The following APH1B variants were observed in gnomAD, a reference collection of about 807,000 sequenced individuals.
APH1B encodes the protein gamma-secretase subunit APH-1B.
Under a neutral mutation model 28.2 loss-of-function variants are expected in APH1B, and 27 were observed. The ratio of observed to expected loss-of-function variants is 0.96; its 90% CI spans 0.70 to 1.32. The LOEUF is 1.32. Among genes scored for constraint, APH1B ranks in the 40% most tolerant of loss-of-function variants. The pLI is 0.00. For synonymous variants in APH1B, 141 were observed against 124.6 expected, an observed-to-expected ratio of 1.13 and a Z score of -0.88; for missense variants, 305 against 313.6, an observed-to-expected ratio of 0.97 and a Z score of 0.21.
chr15:63,282,936 T>G (rs1169938351), intron 2 of APH1B, among the ~76,000 whole-genome samples: 1 of 152,240 alleles, frequency 6.6e-6, no homozygotes, highest in East Asian at 1.9e-4. Flanking sequence ...TTAGCAGTAG[T>G]TTTTCAAAAT....
Position 63,307,724 on chromosome 15 carries a change from G to A in APH1B, c.*1943G>A, listed in dbSNP as rs1305010173. ...ATTCTGATAAAATATTTGCTGCTCT[G>A]TAGAGTGTGGAAAGTCTGAGAATAT... is the stretch of plus-strand genomic sequence containing the variant. On this transcript the variant is annotated 3_prime_UTR_variant, in exon 6 of 6. Transcript: ENST00000261879. The A allele has an allele frequency of 6.6e-6, 1 of 152,234 alleles. No individual in the cohort carries two copies. Among genetic ancestry groups the A allele is most frequent in the Non-Finnish European group, 1.5e-5 (1 of 68,046 alleles). 9.4% of individuals were successfully genotyped at this position (152,234 alleles called of 1,614,324 possible).
At chr15:63,301,517 G>T (rs2038626905) in intron 4 of APH1B, among the ~76,000 whole-genome samples, 2 of 152,104 alleles carry the variant, frequency 1.3e-5, no homozygotes, top group African/African-American at 4.8e-5. Context: ...TGGTGGTGCT[G>T]ATCAAATTCA....
At chr15:63,303,566 G>A (rs1320515509) in intron 5 of APH1B, among the ~76,000 whole-genome samples, 1 of 152,196 alleles carries the variant, frequency 6.6e-6, no homozygotes, top group African/African-American at 2.4e-5. Flanking sequence ...CACGATCACG[G>A]CTCATTGCAG....
intron 2 of APH1B, among the ~76,000 whole-genome samples, chr15:63,283,722 A>G (rs2038414166): frequency 6.6e-6 from 1 of 152,008 alleles, no homozygotes; most frequent in African/African-American, 2.4e-5. Context: ...CTTTTTCTTT[A>G]GTTGCTTGTG....
At chr15:63,297,892 C>T (rs958358631) in intron 4 of APH1B, among the ~76,000 whole-genome samples, 2 of 152,120 alleles carry the variant, frequency 1.3e-5, no homozygotes, top group African/African-American at 4.8e-5. Context: ...CAAAGCCACC[C>T]GGAAACGAGA....
intron 2 of APH1B, among the ~76,000 whole-genome samples, chr15:63,285,565 G>A (rs969334390): frequency 6.6e-6 from 1 of 152,180 alleles, no homozygotes; most frequent in Non-Finnish European, 1.5e-5. Context: ...AATCTGCATG[G>A]CACTCATGGT....
At chr15:63,287,262 C>A in intron 3 of APH1B, 162 bp from the exon 4 acceptor site, 1 of 832,692 alleles carries the variant, frequency 1.2e-6, no homozygotes, top group Non-Finnish European at 1.8e-6. Flanking sequence ...TCTGATTCAT[C>A]ATTTAGCCAA....
chr15:63,295,434 CAGT>C (rs2038555273), intron 4 of APH1B, among the ~76,000 whole-genome samples: 1 of 152,176 alleles, frequency 6.6e-6, no homozygotes, highest in African/African-American at 2.4e-5. Context: ...ATTTTTGTGA[CAGT>C]AGCTGGTTGC....
At chr15:63,294,828 C>T (rs1010794738) in intron 4 of APH1B, among the ~76,000 whole-genome samples, 2 of 152,210 alleles carry the variant, frequency 1.3e-5, no homozygotes. Context: ...GCTACATTTT[C>T]ATCTCTAGTG....
In APH1B at chr15:63,305,713, CG is replaced by C. The variant is rs1567033900; in HGVS notation, c.707del (p.Arg236GlnfsTer3). 11 of 1,614,060 alleles carry C rather than the reference CG, an allele frequency of 6.8e-6. No homozygotes were observed. The highest frequency in any genetic ancestry group is 9.3e-6 in the Non-Finnish European group (11 of 1,180,042). ...ATTCTTAGCTGCGGGAGGCAGCTGC[CG>C]AAGCCTGAAACTCTGCCTGCTCTGC... ...WAFLAAGGSC[R>X]SLKLCLLCQD... On this transcript the variant is annotated frameshift_variant, in exon 6 of 6. Transcript: ENST00000261879. LOFTEE classifies it high-confidence loss of function.
rs369923352 is a variant in APH1B, at chr15:63,305,804, A to G, written c.*23A>G. The G allele has an allele frequency of 1.2e-6, 2 of 1,605,420 alleles. No individual in the cohort carries two copies. Among genetic ancestry groups the G allele is most frequent in the African/African-American group, 2.7e-5 (2 of 74,252 alleles). ...TAACCTCAGGGAACCAGCACTTCCCAAACCGCAGACTACATCTTTAGAGGA... is the reference window on the plus strand; with the variant it reads ...TAACCTCAGGGAACCAGCACTTCCCGAACCGCAGACTACATCTTTAGAGGA... On this transcript the variant is annotated 3_prime_UTR_variant, in exon 6 of 6. Coordinates refer to ENST00000261879, the MANE Select transcript of APH1B (RefSeq NM_031301.4).
intron 4 of APH1B, among the ~76,000 whole-genome samples, chr15:63,298,553 G>T (rs1363708182): frequency 6.6e-6 from 1 of 152,118 alleles, no homozygotes; most frequent in Admixed American, 6.5e-5. Flanking sequence ...AGGAGACTTG[G>T]ATATAAATGG....
chr15:63,300,817 T>C (rs995998538), intron 4 of APH1B, among the ~76,000 whole-genome samples: 7 of 152,272 alleles, frequency 4.6e-5, no homozygotes, highest in African/African-American at 1.4e-4. Flanking sequence ...TAATACGCAT[T>C]TTTTCACGAT....
At chr15:63,294,092 C>T (rs1261689117) in intron 4 of APH1B, among the ~76,000 whole-genome samples, 1 of 149,336 alleles carries the variant, frequency 6.7e-6, no homozygotes, top group Non-Finnish European at 1.5e-5. Context: ...TCTTTTTCTT[C>T]AGTGAATTTC....
At chr15:63,291,285 C>T (rs2038504263) in intron 4 of APH1B, among the ~76,000 whole-genome samples, 1 of 152,098 alleles carries the variant, frequency 6.6e-6, no homozygotes, top group African/African-American at 2.4e-5. Flanking sequence ...GAATTACCTC[C>T]CTTATGCTTT....
chr15:63,278,932 T>C (rs1054502988), intron 1 of APH1B, among the ~76,000 whole-genome samples: 1 of 152,174 alleles, frequency 6.6e-6, no homozygotes, highest in Non-Finnish European at 1.5e-5. Flanking sequence ...TTGAAAAAAG[T>C]AATTGTTGGG....
At chr15:63,281,927 T>C (rs2038393442) in intron 2 of APH1B, among the ~76,000 whole-genome samples, 4 of 152,172 alleles carry the variant, frequency 2.6e-5, no homozygotes, top group Non-Finnish European at 5.9e-5. Flanking sequence ...CTCTTTAGGT[T>C]CCTAGGGAAA....
chr15:63,285,335 G>T (rs144536038), intron 2 of APH1B, among the ~76,000 whole-genome samples: 28 of 152,272 alleles, frequency 1.8e-4, no homozygotes, highest in Non-Finnish European at 3.5e-4. Flanking sequence ...TAATTTAATT[G>T]TCTATTCTTA....
rs2038669860 is a variant in APH1B at position 63,304,863 on chromosome 15, T to C, written c.607-751T>C. On this transcript the variant is annotated intron_variant, in intron 5 of 5. Transcript: ENST00000261879. This position sits in a 1 kb window ranked among gnomAD's most constrained non-coding sequence, Gnocchi z 5.1. ...TTATTGTGAAGAATAATCTAGAAAATGCTCAATGCCTGCCATGCCCACGGA... is the reference window on the plus strand; with the variant it reads ...TTATTGTGAAGAATAATCTAGAAAACGCTCAATGCCTGCCATGCCCACGGA... 6.6e-6 allele frequency among the ~76,000 whole-genome samples: 1 copy of C among 152,184 alleles called. No individual in the cohort carries two copies. The highest frequency in any genetic ancestry group is 1.5e-5 in the Non-Finnish European group (1 of 68,036).
Sources: allele counts gnomAD v4.1 joint callset (sites outside exome capture counted in the v4.1 genomes callset), GRCh38; gene constraint gnomAD v4.1.1; non-coding constraint Gnocchi (gnomAD v3.1); transcripts MANE v1.5; gene names NCBI Gene and HGNC (gene_info 2026-07-23, HGNC 2026-07-21).